The following EML1 variants were observed in gnomAD, a reference collection of about 807,000 sequenced individuals.
EML1 encodes the protein echinoderm microtubule-associated protein-like 1.
EML1 carries 27 observed loss-of-function variants against 110.4 expected under a neutral mutation model. The observed-to-expected ratio is 0.24, with a 90% CI of 0.18 to 0.34. The LOEUF (loss-of-function observed/expected upper bound fraction) is 0.34. Ranked by LOEUF, EML1 falls within the 10% of genes least tolerant of loss-of-function variation. EML1 has a pLI of 1.00. For synonymous variants in EML1, 344 were observed against 385.8 expected, an observed-to-expected ratio of 0.89 and a Z score of 1.27; for missense variants, 741 against 1,030.9, an observed-to-expected ratio of 0.72 and a Z score of 3.85.
intron 1 of EML1, 115 bp downstream of exon 1, chr14:99,793,658 C>CCG: frequency 1.2e-6 from 1 of 823,246 alleles, no homozygotes; most frequent in South Asian, 5.3e-5. Context: ...GGCGAGGCCG[C>CCG]GCAAAGTTGT....
chr14:99,940,036 A>T lies in EML1; in HGVS notation c.2372A>T (p.Asp791Val). ...GGHSSHVTNV[D>V]FLCEDSHLIS... ...CACAGCAGCCATGTCACCAATGTCGATTTCCTCTGTGAAGACAGCCACCTC... is the reference window on the plus strand; with the variant it reads ...CACAGCAGCCATGTCACCAATGTCGTTTTCCTCTGTGAAGACAGCCACCTC... Residue 791 changes from aspartate (D) to valine (V), a missense_variant, in exon 22 of 22, where the codon GAT becomes GTT. By Grantham distance (152) the Asp-to-Val change is radical. This residue lies in a region of EML1 where 114 missense variants were observed against 122.5 expected (regional missense o/e 0.93). Coordinates refer to ENST00000262233, the MANE Select transcript of EML1 (RefSeq NM_004434.3). The T allele has an allele frequency of 6.3e-7, 1 of 1,599,880 alleles. No homozygotes were observed. The highest frequency in any genetic ancestry group is 1.1e-5 in the South Asian group (1 of 88,566).
chr14:99,746,080 A>G lies in EML1; in HGVS notation c.28+8220A>G, dbSNP rs187863702. ...CCCCCTCCCCTAGGCCCTTTCACAC[A>G]CTCAGTTCCACATGACGCCCCCTTT... On this transcript the variant is annotated intron_variant, in intron 1 of 10. Transcript: ENST00000554479. Among the ~76,000 whole-genome samples, 28 of 152,230 alleles carry G rather than the reference A, an allele frequency of 1.8e-4. No individual in the cohort carries two copies. In the East Asian group the frequency reaches 5.0e-3, roughly 27 times the overall value.
intron 1 of EML1, among the ~76,000 whole-genome samples, chr14:99,759,603 C>T (rs994813800): frequency 2.6e-5 from 4 of 152,304 alleles, no homozygotes; most frequent in Admixed American, 1.3e-4. Context: ...GGGAAGGAAT[C>T]GGGTGCACCG....
chr14:99,914,413 C>G, intron 14 of EML1, 109 bp downstream of exon 14: 1 of 1,540,416 alleles, frequency 6.5e-7, no homozygotes, highest in South Asian at 1.3e-5. Flanking sequence ...TTCCTCCACC[C>G]CAGAGTGTCT....
intron 1 of EML1, among the ~76,000 whole-genome samples, chr14:99,765,045 C>T (rs1595253673): frequency 6.6e-6 from 1 of 152,098 alleles, no homozygotes; most frequent in South Asian, 2.1e-4. Context: ...TCAAATGATC[C>T]TCCCACCTCA....
chr14:99,778,326 A>G (rs1158706445), intron 1 of EML1, among the ~76,000 whole-genome samples: 3 of 152,296 alleles, frequency 2.0e-5, no homozygotes, highest in Non-Finnish European at 4.4e-5. Flanking sequence ...CCTTTCTTAG[A>G]CAATTTTTTG....
chr14:99,891,109 A>G (rs139119498), intron 4 of EML1, 90 bp from the exon 5 acceptor site: 2 of 1,466,924 alleles, frequency 1.4e-6, no homozygotes, highest in Non-Finnish European at 1.9e-6. Flanking sequence ...TGTGTGGCAG[A>G]CTACTGCAGC....
chr14:99,758,128 C>G (rs2057276274), intron 1 of EML1, among the ~76,000 whole-genome samples: 1 of 152,188 alleles, frequency 6.6e-6, no homozygotes, highest in Non-Finnish European at 1.5e-5. Context: ...AACACTGACA[C>G]TGAAATCCTG....
intron 9 of EML1, among the ~76,000 whole-genome samples, chr14:99,903,743 A>G (rs1182426856): frequency 6.6e-6 from 1 of 151,138 alleles, no homozygotes; most frequent in African/African-American, 2.4e-5. Flanking sequence ...TGTACTATTG[A>G]TGTTAAATAT....
At chr14:99,760,083 CAAAAAAAAAAAAAAAAAAA>C in intron 1 of EML1, among the ~76,000 whole-genome samples, 1 of 47,146 alleles carries the variant, frequency 2.1e-5, no homozygotes, top group Non-Finnish European at 3.5e-5. Context: ...GACTCCCTCT[CAAAAAAAAAAAAAAAAAAA>C]AAAAAAAAAA....
At chr14:99,913,790 A>G (rs1021892060) in intron 13 of EML1, among the ~76,000 whole-genome samples, 1 of 152,054 alleles carries the variant, frequency 6.6e-6, no homozygotes, top group Non-Finnish European at 1.5e-5. Context: ...CCTGGGTTCA[A>G]GTGATTCTCC....
intron 1 of EML1, among the ~76,000 whole-genome samples, chr14:99,817,334 T>C (rs2058185286): frequency 1.3e-5 from 2 of 152,228 alleles, no homozygotes; most frequent in Non-Finnish European, 2.9e-5. Flanking sequence ...AAGTGCTTCA[T>C]AAAGAGACCT....
At chr14:99,912,724 G>T (rs1045668270) in intron 13 of EML1, among the ~76,000 whole-genome samples, 14 of 152,314 alleles carry the variant, frequency 9.2e-5, no homozygotes, top group Middle Eastern at 3.4e-3. Context: ...ACCAGCATTT[G>T]GTTGAACATA....
At chr14:99,858,200 T>G (rs1349763406) in intron 2 of EML1, among the ~76,000 whole-genome samples, 1 of 148,636 alleles carries the variant, frequency 6.7e-6, no homozygotes, top group East Asian at 1.9e-4. Context: ...TTTTTTTTTT[T>G]TAGGCAGAGT....
chr14:99,831,814 A>AT (rs1276928050), intron 1 of EML1, among the ~76,000 whole-genome samples: 1 of 148,806 alleles, frequency 6.7e-6, no homozygotes, highest in African/African-American at 2.5e-5. Context: ...CAAATATACA[A>AT]TTTTTTTCTT....
chr14:99,864,444 A>G (rs542509323), intron 2 of EML1, among the ~76,000 whole-genome samples: 1 of 152,282 alleles, frequency 6.6e-6, no homozygotes, highest in African/African-American at 2.4e-5. Flanking sequence ...ATAGTTTTGC[A>G]TTTTAAATTT....
At chr14:99,934,968 A>G (rs564542706) in intron 17 of EML1, among the ~76,000 whole-genome samples, 100 of 152,304 alleles carry the variant, frequency 6.6e-4, no homozygotes, top group African/African-American at 2.3e-3. Context: ...CCAGGGGAAG[A>G]ACATACCAAG....
At position 99,775,843 on chromosome 14, in the gene EML1, G is replaced by A. The variant is rs527599718; in HGVS notation, c.-27+1830G>A. ...TGGCAGTATTGGGATAGCAATTCAA[G>A]GTCATTTCAAGGACCTTGAATAAAA... On this transcript the variant is annotated intron_variant, in intron 1 of 22. Transcript: ENST00000327921. Among the ~76,000 whole-genome samples the A allele has an allele frequency of 3.9e-5, 6 of 152,282 alleles. No homozygotes were observed. In the South Asian group the frequency reaches 1.2e-3, roughly 32 times the overall value.
chr14:99,878,361 T>C lies in EML1; in HGVS notation c.384-124T>C, dbSNP rs1191118. The stretch of plus-strand genomic sequence containing the variant: ...CTCTGAAAAGCTTTTTGATCTCCGT[T>C]GCTAGGCCTGTCTTTTGAATATCCA... On this transcript the variant is annotated intron_variant, in intron 3 of 21. Coordinates refer to ENST00000262233, the MANE Select transcript of EML1 (RefSeq NM_004434.3). 0.89 allele frequency: 1,255,422 copies of C among 1,410,702 alleles called. 559,192 individuals are homozygous for C. Among genetic ancestry groups the C allele is most frequent in the East Asian group, 1 (42,381 of 42,566 alleles). 87.4% of individuals were successfully genotyped at this position (1,410,702 alleles called of 1,614,324 possible).
Sources: allele counts gnomAD v4.1 joint callset (sites outside exome capture counted in the v4.1 genomes callset), GRCh38; gene constraint gnomAD v4.1.1; regional missense constraint gnomAD v4.1.1; transcripts MANE v1.5; gene names NCBI Gene and HGNC (gene_info 2026-07-23, HGNC 2026-07-21).